Variants in ARL8A observed in about 807,000 individuals in gnomAD.
ARL8A encodes ADP-ribosylation factor-like protein 8A.
Under a neutral mutation model 31.2 loss-of-function variants are expected in ARL8A, and 10 were observed. That is an observed-to-expected ratio of 0.32 (90% CI 0.20 to 0.54). The LOEUF (loss-of-function observed/expected upper bound fraction) is 0.54. Ranked by LOEUF, ARL8A falls within the 20% of genes least tolerant of loss-of-function variation. The pLI is 0.93. For missense variants in ARL8A, 129 were observed against 242.8 expected, an observed-to-expected ratio of 0.53 and a Z score of 3.12; for synonymous variants, 70 against 86.9, an observed-to-expected ratio of 0.81 and a Z score of 1.08.
In ARL8A at chr1:202,135,627, T is replaced by C. The variant is rs1654985779; in HGVS notation, c.372+80A>G. 1 of 1,575,168 alleles carries C rather than the reference T, an allele frequency of 6.3e-7. No individual in the cohort carries two copies. Among genetic ancestry groups the C allele is most frequent in the Non-Finnish European group, 8.7e-7 (1 of 1,145,420 alleles). On this transcript the variant is annotated intron_variant, in intron 4 of 6. Coordinates refer to ENST00000272217, the MANE Select transcript of ARL8A (RefSeq NM_138795.4). The surrounding 1 kb of genome is among the most constrained non-coding windows in gnomAD (Gnocchi z 5.3). The stretch of plus-strand genomic sequence containing the variant: ...GGGTCCCGTTTCCTCTCTGCGCCCC[T>C]ACCATGCCTGGCTTTTACCTGCTCC...
In ARL8A at chr1:202,144,320, C is replaced by T; in HGVS notation, c.123+130G>A. The T allele has an allele frequency of 1.6e-6, 1 of 624,398 alleles. No homozygotes were observed. The highest frequency in any genetic ancestry group is 2.0e-6 in the Non-Finnish European group (1 of 499,248). 38.7% of individuals were successfully genotyped at this position (624,398 alleles called of 1,614,324 possible). A position where few individuals can be genotyped will look rare whatever the true frequency, so the allele number is the denominator to read the frequency against. On this transcript the variant is annotated intron_variant, in intron 1 of 6. Coordinates refer to ENST00000272217, the MANE Select transcript of ARL8A (RefSeq NM_138795.4). The surrounding 1 kb of genome is among the most constrained non-coding windows in gnomAD (Gnocchi z 5.2). ...CCCCAAGCGCTCGGGGCCGGCTCCTCCCCCGCCCGGCGCCCGGCCGTGCCC... is the reference window on the plus strand; with the variant it reads ...CCCCAAGCGCTCGGGGCCGGCTCCTTCCCCGCCCGGCGCCCGGCCGTGCCC...
chr1:202,144,612 C>T lies in ARL8A; in HGVS notation c.-40G>A. 7.3e-7 allele frequency: 1 copy of T among 1,371,124 alleles called. No homozygotes were observed. The highest frequency in any genetic ancestry group is 9.6e-7 in the Non-Finnish European group (1 of 1,039,054). The allele number at this position is 1,371,124 out of a possible 1,614,324, so 84.9% of individuals were successfully genotyped here. A position where few individuals can be genotyped will look rare whatever the true frequency, so the allele number is the denominator to read the frequency against. ...GCCCCGCCCGGTGCCAGGTCCCCGC[C>T]GCCCCTCGCTGCCCTCGCGCTGCGG... On this transcript the variant is annotated 5_prime_UTR_variant, in exon 1 of 7. Transcript: ENST00000272217. The surrounding 1 kb of genome is among the most constrained non-coding windows in gnomAD (Gnocchi z 5.2).
intron 1 of ARL8A, among the ~76,000 whole-genome samples, chr1:202,143,407 A>G (rs914522895): frequency 3.3e-5 from 5 of 152,150 alleles, no homozygotes; most frequent in Non-Finnish European, 5.9e-5. Context: ...CTATCTCATC[A>G]GTATCTTTGG....
At position 202,135,283 on chromosome 1, in the gene ARL8A, G is replaced by A. The variant is rs1037780198; in HGVS notation, c.441-63C>T. 1.6e-5 allele frequency: 25 copies of A among 1,542,122 alleles called. 1 individual carries two copies. The highest frequency in any genetic ancestry group is 3.4e-4 in the Middle Eastern group (2 of 5,902). ...ACGTCCAGGGGGCCTGGGGCTAGGG[G>A]ACAGCGGGGCCTTTTTCTTACCTAA... On this transcript the variant is annotated intron_variant, in intron 5 of 6. Transcript: ENST00000272217. This position sits in a 1 kb window ranked among gnomAD's most constrained non-coding sequence, Gnocchi z 5.3.
Position 202,144,636 on chromosome 1 carries a change from G to A in ARL8A, c.-64C>T. The A allele has an allele frequency of 1.6e-6, 2 of 1,228,690 alleles. No individual in the cohort carries two copies. The highest frequency in any genetic ancestry group is 7.6e-5 in the Admixed American group (2 of 26,218). The allele number at this position is 1,228,690 out of a possible 1,614,324, so 76.1% of individuals were successfully genotyped here. ...CCGCCCCTCGCTGCCCTCGCGCTGC[G>A]GCCCGGAGCGGCCCCTCCCCGGTAC... On this transcript the variant is annotated 5_prime_UTR_variant, in exon 1 of 7. Transcript: ENST00000272217. This position sits in a 1 kb window ranked among gnomAD's most constrained non-coding sequence, Gnocchi z 5.2.
intron 1 of ARL8A, among the ~76,000 whole-genome samples, chr1:202,143,320 C>G (rs1019632399): frequency 5.3e-5 from 8 of 152,200 alleles, no homozygotes; most frequent in Non-Finnish European, 4.4e-5. Context: ...GTCGAGGAGG[C>G]CCATCTTCTG....
In ARL8A at chr1:202,134,229, A is replaced by G. The variant is rs1056822511; in HGVS notation, c.*238T>C. The G allele has an allele frequency of 1.9e-6, 1 of 538,666 alleles. No homozygotes were observed. The allele number at this position is 538,666 out of a possible 1,614,324, so 33.4% of individuals were successfully genotyped here. ...GCTGGGAGGGAGGCAGGGCTGGGTG[A>G]TGGGACAAAGGCAGCGGGGAAGGGT... is the stretch of plus-strand genomic sequence containing the variant. On this transcript the variant is annotated 3_prime_UTR_variant, in exon 7 of 7. Coordinates refer to ENST00000272217, the MANE Select transcript of ARL8A (RefSeq NM_138795.4). The surrounding 1 kb of genome is among the most constrained non-coding windows in gnomAD (Gnocchi z 4.2).
At chr1:202,140,781 C>T (rs1365742015) in intron 1 of ARL8A, among the ~76,000 whole-genome samples, 1 of 152,176 alleles carries the variant, frequency 6.6e-6, no homozygotes, top group Non-Finnish European at 1.5e-5. Context: ...ATTACCCAAA[C>T]CCCGGCAGCC....
intron 1 of ARL8A, among the ~76,000 whole-genome samples, chr1:202,141,224 G>GCTC (rs1311942408): frequency 6.6e-6 from 1 of 152,166 alleles, no homozygotes; most frequent in Non-Finnish European, 1.5e-5. Context: ...TGTCTCATAG[G>GCTC]CTCCTCATTT....
At chr1:202,140,296 AT>A (rs77654638) in intron 1 of ARL8A, among the ~76,000 whole-genome samples, 24,071 of 137,506 alleles carry the variant, frequency 0.18, 2,421 homozygotes, top group African/African-American at 0.32. Context: ...TGCCTAGCTA[AT>A]TTTTTTTTTT....
At chr1:202,137,208 A>G (rs1189586763) in intron 3 of ARL8A, among the ~76,000 whole-genome samples, 1 of 152,042 alleles carries the variant, frequency 6.6e-6, no homozygotes, top group African/African-American at 2.4e-5. Flanking sequence ...ATTTTTTTAA[A>G]GACAGGATCT....
intron 1 of ARL8A, among the ~76,000 whole-genome samples, chr1:202,140,541 C>T (rs1418653492): frequency 2.6e-5 from 4 of 152,176 alleles, no homozygotes; most frequent in African/African-American, 7.2e-5. Flanking sequence ...GGTCCAGCAG[C>T]GGTTTCCAAC....
rs1342461000 is a variant in ARL8A at position 202,138,158 on chromosome 1, A to C, written c.205-120T>G. ...CCTCTGCCTCCCCGGCTTCCTCTCC[A>C]GTTCTCCCCCGTCTCCACCCGCTCT... On this transcript the variant is annotated intron_variant, in intron 2 of 6. Coordinates refer to ENST00000272217, the MANE Select transcript of ARL8A (RefSeq NM_138795.4). The surrounding 1 kb of genome is among the most constrained non-coding windows in gnomAD (Gnocchi z 4.4). 1.6e-6 allele frequency: 2 copies of C among 1,260,636 alleles called. No homozygotes were observed. Among genetic ancestry groups the C allele is most frequent in the Non-Finnish European group, 2.3e-6 (2 of 885,320 alleles). 78.1% of individuals were successfully genotyped at this position (1,260,636 alleles called of 1,614,324 possible). A position where few individuals can be genotyped will look rare whatever the true frequency, so the allele number is the denominator to read the frequency against.
chr1:202,139,937 G>A (rs557764370), intron 1 of ARL8A, among the ~76,000 whole-genome samples: 180 of 151,236 alleles, frequency 1.2e-3, no homozygotes, highest in African/African-American at 3.9e-3. Context: ...GGTGAGCCAC[G>A]GTGCCCGGCC....
chr1:202,136,054 A>G (rs1176151886), intron 3 of ARL8A, among the ~76,000 whole-genome samples: 1 of 152,168 alleles, frequency 6.6e-6, no homozygotes, highest in Non-Finnish European at 1.5e-5. Flanking sequence ...GCCGTTACTC[A>G]TGTGGAAAAG....
In ARL8A at chr1:202,138,707, T is replaced by C. The variant is rs1373080531; in HGVS notation, c.124-259A>G. ...TCTCTTTGCCTAGACTAGGGGAAAA[T>C]TCTTCCTCAAGTCTAACCTACATCT... On this transcript the variant is annotated intron_variant, in intron 1 of 6. Coordinates refer to ENST00000272217, the MANE Select transcript of ARL8A (RefSeq NM_138795.4). This position sits in a 1 kb window ranked among gnomAD's most constrained non-coding sequence, Gnocchi z 4.4. Among the ~76,000 whole-genome samples the C allele has an allele frequency of 6.6e-6, 1 of 152,156 alleles. No individual in the cohort carries two copies. The highest frequency in any genetic ancestry group is 1.5e-5 in the Non-Finnish European group (1 of 68,022).
rs1156887973 is a variant in ARL8A, at chr1:202,133,487, CCAAA to C, written c.*976_*979del. On this transcript the variant is annotated 3_prime_UTR_variant, in exon 7 of 7. Coordinates refer to ENST00000272217, the MANE Select transcript of ARL8A (RefSeq NM_138795.4). Reference sequence around the variant, plus strand: ...AATGTACAGTTACAAGAATCATTTTCCAAACAGAGGTTAAATATGAGCTGAAAAG... The same window carrying C: ...AATGTACAGTTACAAGAATCATTTTCCAGAGGTTAAATATGAGCTGAAAAG... 2 of 152,134 alleles carry C rather than the reference CCAAA, an allele frequency of 1.3e-5. No homozygotes were observed. The highest frequency in any genetic ancestry group is 2.9e-5 in the Non-Finnish European group (2 of 68,022). The allele number at this position is 152,134 out of a possible 1,614,324, so 9.4% of individuals were successfully genotyped here.
At chr1:202,139,563 A>G (rs546546395) in intron 1 of ARL8A, among the ~76,000 whole-genome samples, 1 of 143,006 alleles carries the variant, frequency 7.0e-6, no homozygotes, top group South Asian at 2.3e-4. Context: ...ACAGAGCAAG[A>G]CTCCGGCTTG....
At chr1:202,139,301 G>A (rs557460316) in intron 1 of ARL8A, among the ~76,000 whole-genome samples, 8 of 152,258 alleles carry the variant, frequency 5.3e-5, no homozygotes, top group Non-Finnish European at 8.8e-5. Flanking sequence ...TCGGCCGGGC[G>A]CGATGGCTCA....
Sources: allele counts gnomAD v4.1 joint callset (sites outside exome capture counted in the v4.1 genomes callset), GRCh38; gene constraint gnomAD v4.1.1; non-coding constraint Gnocchi (gnomAD v3.1); transcripts MANE v1.5; gene names NCBI Gene and HGNC (gene_info 2026-07-23, HGNC 2026-07-21).